ATP2C2: variants seen among roughly 807,000 people sequenced by gnomAD.
ATP2C2 encodes calcium-transporting ATPase type 2C member 2.
Under a neutral mutation model 110.8 loss-of-function variants are expected in ATP2C2, and 171 were observed. That is an observed-to-expected ratio of 1.54 (90% confidence interval 1.36 to 1.75). ATP2C2 has a LOEUF of 1.75. Among genes scored for constraint, ATP2C2 ranks in the 40% most tolerant of loss-of-function variants. ATP2C2 has a pLI of 0.00. For synonymous variants in ATP2C2, 804 were observed against 508.4 expected (o/e 1.58, Z -7.82); for missense variants, 1,963 against 1,235.0 (o/e 1.59, Z -8.84).
intron 1 of ATP2C2, among the ~76,000 whole-genome samples, chr16:84,397,248 C>T (rs890813671): frequency 2.6e-5 from 4 of 151,706 alleles, no homozygotes; most frequent in African/African-American, 9.7e-5. Flanking sequence ...ACACAGAGTG[C>T]TGGGACTTCC....
chr16:84,370,147 G>GTCCTCC (rs1909867745), intron 1 of ATP2C2, among the ~76,000 whole-genome samples: 1 of 151,766 alleles, frequency 6.6e-6, no homozygotes, highest in African/African-American at 2.4e-5. Context: ...CAGGTGCATG[G>GTCCTCC]ATGATGTAAC....
chr16:84,411,520 C>T (rs546037616), intron 6 of ATP2C2, among the ~76,000 whole-genome samples: 1 of 152,316 alleles, frequency 6.6e-6, no homozygotes, highest in African/African-American at 2.4e-5. Flanking sequence ...CAGTTCGCTG[C>T]AACCTCCGCC....
At chr16:84,461,070 A>G (rs1911279978) in intron 24 of ATP2C2, 1 of 443,632 alleles carries the variant, frequency 2.3e-6, no homozygotes, top group East Asian at 3.8e-5. Context: ...GTTGAAATGT[A>G]CATGAGGACA....
intron 1 of ATP2C2, among the ~76,000 whole-genome samples, chr16:84,390,170 G>C (rs1025158865): frequency 1.3e-5 from 2 of 152,252 alleles, no homozygotes; most frequent in Non-Finnish European, 2.9e-5. Flanking sequence ...CTCTAACAGG[G>C]AAGATCATTA....
At position 84,415,575 on chromosome 16, in the gene ATP2C2, A is replaced by C; in HGVS notation, c.608A>C (p.Asp203Ala). Reference protein sequence around the residue: ...SLSIGDRIPADIRLTEVTDLL... With the variant: ...SLSIGDRIPAAIRLTEVTDLL... ...TCGATCGGAGACCGGATCCCTGCAG[A>C]CATCCGACTCACTGAGGTGAGTGGT... Residue 203 changes from aspartate to alanine, a missense_variant, in exon 7 of 27, where the codon GAC (aspartate) becomes GCC (alanine). By Grantham distance (126) the Asp-to-Ala change is moderately radical (BLOSUM62 -2). Transcript: ENST00000262429. The C allele has an allele frequency of 6.2e-7, 1 of 1,613,690 alleles. No individual in the cohort carries two copies. Among genetic ancestry groups the C allele is most frequent in the South Asian group, 1.1e-5 (1 of 90,994 alleles).
Position 84,450,117 on chromosome 16 carries a change from C to T in ATP2C2, c.1660+1428C>T, listed in dbSNP as rs887403857. 3.3e-5 allele frequency among the ~76,000 whole-genome samples: 5 copies of T among 152,332 alleles called. No homozygotes were observed. In the East Asian group the frequency reaches 7.7e-4, roughly 23 times the overall value. On this transcript the variant is annotated intron_variant, in intron 17 of 26. Transcript: ENST00000262429. ...GAGCGTAATGAGAACGGGTCAGTGGCGGAGGAGCAGTGAGACCTTTTCCTG... is the reference window on the plus strand; with the variant it reads ...GAGCGTAATGAGAACGGGTCAGTGGTGGAGGAGCAGTGAGACCTTTTCCTG...
chr16:84,404,787 C>T, intron 2 of ATP2C2: 3 of 358,964 alleles, frequency 8.4e-6, no homozygotes, highest in South Asian at 6.6e-5. Context: ...ATAACAGCTG[C>T]ACCATTTTAC....
At position 84,463,709 on chromosome 16, in the gene ATP2C2, C is replaced by G; in HGVS notation, c.2818C>G (p.Gln940Glu). The G allele has an allele frequency of 6.2e-7, 1 of 1,613,852 alleles. No homozygotes were observed. The highest frequency in any genetic ancestry group is 8.5e-7 in the Non-Finnish European group (1 of 1,179,748). The change falls in exon 27 of 27, where the codon CAG becomes GAG. Residue 940 changes from glutamine (Q) to glutamate (E), a missense_variant. By Grantham distance (29) the Gln-to-Glu change is conservative (BLOSUM62 2). Transcript: ENST00000262429. ...EKYCCSPKRV[Q>E]MHPEDV ...ATACTGTTGCAGCCCCAAGAGAGTC[C>G]AGATGCACCCTGAAGATGTGTAGTG...
intron 7 of ATP2C2, among the ~76,000 whole-genome samples, chr16:84,418,183 G>A (rs1476713211): frequency 2.0e-5 from 3 of 152,218 alleles, no homozygotes; most frequent in African/African-American, 7.2e-5. Context: ...TTGGAGGTGG[G>A]GGCACCGGGT....
intron 1 of ATP2C2, among the ~76,000 whole-genome samples, chr16:84,391,798 A>G (rs924829386): frequency 4.6e-5 from 7 of 152,160 alleles, no homozygotes; most frequent in Admixed American, 4.6e-4. Flanking sequence ...TGTTTGTTAC[A>G]GCCGTGGAGA....
At chr16:84,410,645 G>A in intron 5 of ATP2C2, 42 bp downstream of exon 5, 1 of 1,613,928 alleles carries the variant, frequency 6.2e-7, no homozygotes, top group East Asian at 2.2e-5. Context: ...AGCTGGGCGG[G>A]ACAGGAGCTT....
intron 11 of ATP2C2, among the ~76,000 whole-genome samples, chr16:84,429,656 G>C (rs1306232317): frequency 6.6e-6 from 1 of 152,170 alleles, no homozygotes; most frequent in Non-Finnish European, 1.5e-5. Context: ...TGGGAATCAA[G>C]GGCTAGAGGA....
chr16:84,444,237 C>A (rs1049834281), intron 15 of ATP2C2, among the ~76,000 whole-genome samples: 4 of 150,366 alleles, frequency 2.7e-5, no homozygotes, highest in Non-Finnish European at 5.9e-5. Context: ...CTTTGGGAGA[C>A]CGAGGCAGGT....
rs559297031 is a variant in ATP2C2, at chr16:84,425,389, A to G, written c.920-346A>G. ...ATCTGCCCATCACAGGAGCAGTTGC[A>G]TTTGCCACAACAAACACCACATGGG... On this transcript the variant is annotated intron_variant, in intron 10 of 26. Transcript: ENST00000262429. Among the ~76,000 whole-genome samples, 4 of 152,332 alleles carry G rather than the reference A, an allele frequency of 2.6e-5. No homozygotes were observed. In the South Asian group the frequency reaches 6.2e-4, roughly 24 times the overall value.
intron 11 of ATP2C2, among the ~76,000 whole-genome samples, chr16:84,431,609 G>A (rs772141356): frequency 9.9e-5 from 15 of 151,828 alleles, no homozygotes; most frequent in Admixed American, 2.0e-4. Context: ...CAGGCAGGGG[G>A]AACAGCACAG....
chr16:84,404,808 C>T, intron 2 of ATP2C2: 1 of 344,080 alleles, frequency 2.9e-6, no homozygotes, highest in South Asian at 2.2e-5. Context: ...ATTCCCAAGA[C>T]CTTTTTTTTT....
chr16:84,419,457 G>C (rs1110760), intron 7 of ATP2C2, among the ~76,000 whole-genome samples: 136,697 of 152,186 alleles, frequency 0.9, 61,413 homozygotes, highest in East Asian at 0.92. Context: ...CCCCGGTCAC[G>C]CAGACCATAT....
chr16:84,459,354 C>T lies in ATP2C2; in HGVS notation c.2301C>T (p.Ile767=), dbSNP rs775776345. 16 of 1,614,158 alleles carry T rather than the reference C, an allele frequency of 9.9e-6. No individual in the cohort carries two copies. The highest frequency in any genetic ancestry group is 1.3e-5 in the Non-Finnish European group (15 of 1,180,002). The change falls in exon 23 of 27, where the codon ATC becomes ATT. Residue 767 remains isoleucine (I), a synonymous_variant. Coordinates refer to ENST00000262429, the MANE Select transcript of ATP2C2 (RefSeq NM_014861.4). ...TCAACGCCATGCAGATCCTATGGATCAACATCATCATGGATGGGCCACCGG... is the reference window on the plus strand; with the variant it reads ...TCAACGCCATGCAGATCCTATGGATTAACATCATCATGGATGGGCCACCGG... ...SPLNAMQILW[I]NIIMDGPPAQ...
In ATP2C2 at chr16:84,446,501, C is replaced by G. The variant is rs918881795; in HGVS notation, c.1503+71C>G. 15 of 1,113,326 alleles carry G rather than the reference C, an allele frequency of 1.3e-5. No homozygotes were observed. In the African/African-American group the frequency reaches 1.9e-4, roughly 14 times the overall value. The allele number at this position is 1,113,326 out of a possible 1,614,324, so 69.0% of individuals were successfully genotyped here. A position where few individuals can be genotyped will look rare whatever the true frequency, so the allele number is the denominator to read the frequency against. ...CCCCACCCAGAGATAAAGCAAAATG[C>G]AGACTTCAAGGATAATTTGAAAGTT... On this transcript the variant is annotated intron_variant, in intron 16 of 26. Coordinates refer to ENST00000262429, the MANE Select transcript of ATP2C2 (RefSeq NM_014861.4).
Sources: gnomAD v4.1 joint callset for allele counts (sites outside exome capture counted in the v4.1 genomes callset) on GRCh38, gnomAD v4.1.1 for gene constraint, MANE v1.5 for transcripts, NCBI Gene and HGNC (gene_info 2026-07-23, HGNC 2026-07-21) for gene names.